Variants in TTC17 observed in about 807,000 individuals in gnomAD.
TTC17 encodes the protein tetratricopeptide repeat domain 17, also known as tetratricopeptide repeat protein 17.
Under a neutral mutation model 143.8 loss-of-function variants are expected in TTC17, and 58 were observed. The observed-to-expected ratio is 0.40, with a 90% CI of 0.33 to 0.50. TTC17 has a LOEUF of 0.50. TTC17 is among the 20% of genes least tolerant of loss of function. The probability of loss-of-function intolerance (pLI) is 0.49; values close to 1 mark genes in which losing one functional copy is unlikely to be tolerated. For synonymous variants in TTC17, 501 were observed against 497.8 expected (o/e 1.01, Z -0.09); for missense variants, 1,273 against 1,392.5 (o/e 0.91, Z 1.37).
At chr11:43,491,437 CACT>C (rs1415890301) in intron 22 of TTC17, 2 of 152,350 alleles carry the variant, frequency 1.3e-5, no homozygotes, top group Non-Finnish European at 2.9e-5. Context: ...GAGAATAAAA[CACT>C]TGGACTCTGG....
intron 2 of TTC17, among the ~76,000 whole-genome samples, chr11:43,384,861 A>G (rs1464291859): frequency 6.6e-6 from 1 of 152,202 alleles, no homozygotes; most frequent in South Asian, 2.1e-4. Flanking sequence ...TAATGCAAAA[A>G]ATTTTTTTAA....
chr11:43,423,789 T>C (rs1946962129), intron 16 of TTC17, among the ~76,000 whole-genome samples: 1 of 152,180 alleles, frequency 6.6e-6, no homozygotes, highest in Non-Finnish European at 1.5e-5. Flanking sequence ...GGAAAAATCA[T>C]GATAGTAATT....
chr11:43,480,057 C>G (rs1948257572), intron 21 of TTC17, among the ~76,000 whole-genome samples: 1 of 152,182 alleles, frequency 6.6e-6, no homozygotes. Context: ...GTTTGCTGAA[C>G]CTAACAAGAA....
intron 16 of TTC17, among the ~76,000 whole-genome samples, chr11:43,431,805 TAGTG>T (rs560457733): frequency 9.4e-4 from 143 of 152,210 alleles, no homozygotes; most frequent in Non-Finnish European, 1.5e-3. Context: ...CTGGGCAACA[TAGTG>T]AGACCCCCAT....
At chr11:43,448,578 T>A (rs1254934206) in intron 19 of TTC17, 6 of 154,772 alleles carry the variant, frequency 3.9e-5, no homozygotes, top group African/African-American at 1.4e-4. Context: ...AGTGTTGGAG[T>A]TCCCCAGGAT....
At chr11:43,388,070 C>T (rs1460622808) in intron 2 of TTC17, among the ~76,000 whole-genome samples, 1 of 152,110 alleles carries the variant, frequency 6.6e-6, no homozygotes, top group Non-Finnish European at 1.5e-5. Flanking sequence ...TCCCATATGA[C>T]CCCCATATTT....
At chr11:43,409,683 CT>C (rs1348844947) in intron 15 of TTC17, among the ~76,000 whole-genome samples, 1 of 152,176 alleles carries the variant, frequency 6.6e-6, no homozygotes, top group Non-Finnish European at 1.5e-5. Flanking sequence ...TGGTTTTGAA[CT>C]CAGGGAGATT....
At chr11:43,414,562 C>T in intron 15 of TTC17, 28 bp from the exon 16 acceptor site, 1 of 1,583,380 alleles carries the variant, frequency 6.3e-7, no homozygotes, top group Non-Finnish European at 8.6e-7. Context: ...AGTTCATTAA[C>T]ATTTTGCCGA....
At chr11:43,454,170 C>CT (rs1394867501) in intron 21 of TTC17, among the ~76,000 whole-genome samples, 1 of 152,036 alleles carries the variant, frequency 6.6e-6, no homozygotes, top group African/African-American at 2.4e-5. Context: ...TTAATAGATA[C>CT]TGGTTGGGAA....
chr11:43,469,184 G>T (rs1437783315), intron 21 of TTC17, among the ~76,000 whole-genome samples: 1 of 152,192 alleles, frequency 6.6e-6, no homozygotes, highest in Non-Finnish European at 1.5e-5. Flanking sequence ...TTCATACCCT[G>T]TAGAAGGGCT....
intron 16 of TTC17, among the ~76,000 whole-genome samples, chr11:43,439,460 T>G (rs1213607313): frequency 6.7e-6 from 1 of 148,966 alleles, no homozygotes; most frequent in Admixed American, 6.7e-5. Flanking sequence ...TCATGTCTTG[T>G]TTTTTTTTGG....
intron 21 of TTC17, among the ~76,000 whole-genome samples, chr11:43,470,323 G>C (rs1046156110): frequency 6.6e-6 from 1 of 152,160 alleles, no homozygotes; most frequent in African/African-American, 2.4e-5. Flanking sequence ...CCAAGTGTCA[G>C]TTCAGATAGA....
chr11:43,486,163 C>A (rs952408466), intron 21 of TTC17, among the ~76,000 whole-genome samples: 12 of 151,960 alleles, frequency 7.9e-5, no homozygotes, highest in South Asian at 2.1e-4. Flanking sequence ...ATAGTCCCCC[C>A]CTTATTTGCA....
intron 21 of TTC17, among the ~76,000 whole-genome samples, chr11:43,488,516 CAGTG>C (rs1311795884): frequency 6.6e-6 from 1 of 150,806 alleles, no homozygotes; most frequent in African/African-American, 2.4e-5. Context: ...GGTAGTATCT[CAGTG>C]GGGAGAGAGG....
At chr11:43,480,418 T>G (rs935300037) in intron 21 of TTC17, among the ~76,000 whole-genome samples, 3 of 152,080 alleles carry the variant, frequency 2.0e-5, no homozygotes, top group African/African-American at 7.2e-5. Context: ...CCTAGAATTG[T>G]GTGACCTACA....
chr11:43,469,603 G>T (rs1330358474), intron 21 of TTC17, among the ~76,000 whole-genome samples: 1 of 152,130 alleles, frequency 6.6e-6, no homozygotes, highest in Non-Finnish European at 1.5e-5. Context: ...ACAAAAAAAT[G>T]CATAGTTAAG....
chr11:43,396,856 T>C, intron 6 of TTC17, 38 bp downstream of exon 6: 1 of 1,310,934 alleles, frequency 7.6e-7, no homozygotes, highest in Non-Finnish European at 1.1e-6. Context: ...TTTTCCACAT[T>C]CCTCAGGACT....
intron 15 of TTC17, among the ~76,000 whole-genome samples, chr11:43,408,187 A>G (rs1858233703): frequency 6.6e-6 from 1 of 152,196 alleles, no homozygotes; most frequent in Non-Finnish European, 1.5e-5. Flanking sequence ...AAATTCAGTT[A>G]TAATAAATAT....
chr11:43,397,276 G>A (rs942979793), intron 6 of TTC17, 71 bp from the exon 7 acceptor site: 10 of 1,522,304 alleles, frequency 6.6e-6, no homozygotes, highest in Non-Finnish European at 8.9e-6. Context: ...CTAAGCACAA[G>A]TAACTTTGAA....
Sources: allele counts gnomAD v4.1 joint callset (sites outside exome capture counted in the v4.1 genomes callset), GRCh38; gene constraint gnomAD v4.1.1; transcripts MANE v1.5; gene names NCBI Gene and HGNC (gene_info 2026-07-23, HGNC 2026-07-21).